The following ATXN3 variants were observed in gnomAD, a reference collection of about 807,000 sequenced individuals.
ATXN3 encodes ataxin-3.
Under a neutral mutation model 58.2 loss-of-function variants are expected in ATXN3, and 28 were observed. That is an observed-to-expected ratio of 0.48 (90% CI 0.36 to 0.66). The LOEUF (loss-of-function observed/expected upper bound fraction) is 0.66, where lower values mean the gene tolerates loss of function less well. Ranked by LOEUF, ATXN3 falls within the 30% of genes least tolerant of loss-of-function variation. The pLI, the probability that ATXN3 is intolerant of heterozygous loss-of-function variation, is 0.00. For synonymous variants in ATXN3, 113 were observed against 138.5 expected (o/e 0.82, Z 1.29); for missense variants, 321 against 422.1 (o/e 0.76, Z 2.10).
chr14:92,101,763 C>T (rs1419803209), intron 1 of ATXN3, among the ~76,000 whole-genome samples: 2 of 152,180 alleles, frequency 1.3e-5, no homozygotes, highest in African/African-American at 4.8e-5. Context: ...GAGGCTAAGG[C>T]AGGAGAATCA....
intron 9 of ATXN3, among the ~76,000 whole-genome samples, chr14:92,079,981 A>G (rs1207984972): frequency 1.3e-5 from 2 of 152,024 alleles, no homozygotes; most frequent in Admixed American, 1.3e-4. Context: ...CAGGTGATCC[A>G]CCTGCCTTGG....
chr14:92,051,057 T>C (rs1488213673), upstream of ATXN3, among the ~76,000 whole-genome samples: 1 of 152,246 alleles, frequency 6.6e-6, no homozygotes, highest in East Asian at 1.9e-4. Context: ...CATTTTCTTA[T>C]TAATTTTAGA....
chr14:92,082,611 T>C (rs2061655566), intron 7 of ATXN3, 145 bp from the exon 8 acceptor site: 1 of 783,414 alleles, frequency 1.3e-6, no homozygotes, highest in South Asian at 2.8e-5. Context: ...AATGATTGTG[T>C]TGCAATTTGA....
At chr14:92,054,437 C>T (rs965506868), downstream of ATXN3, among the ~76,000 whole-genome samples, 1 of 152,206 alleles carries the variant, frequency 6.6e-6, no homozygotes, top group African/African-American at 2.4e-5. Context: ...CAAGAGTGAC[C>T]TCTGGTCCTC....
At chr14:92,095,305 G>A (rs547055277) in intron 3 of ATXN3, among the ~76,000 whole-genome samples, 9 of 152,040 alleles carry the variant, frequency 5.9e-5, no homozygotes, top group Non-Finnish European at 1.2e-4. Context: ...GTGCAGTGGC[G>A]CGATCTTGGC....
At chr14:92,103,805 CG>C (rs2067437700) in intron 1 of ATXN3, among the ~76,000 whole-genome samples, 1 of 152,196 alleles carries the variant, frequency 6.6e-6, no homozygotes, top group Non-Finnish European at 1.5e-5. Context: ...CAAGGCCCTT[CG>C]TAGGCAGATA....
In ATXN3 at chr14:92,084,882, T is replaced by C. The variant is rs913553947; in HGVS notation, c.476-1624A>G. Among the ~76,000 whole-genome samples, 3 of 152,104 alleles carry C rather than the reference T, an allele frequency of 2.0e-5. No homozygotes were observed. The East Asian group carries it at 5.8e-4, about 29-fold the overall frequency. The stretch of plus-strand genomic sequence containing the variant: ...GGTGTGAGCCACCGCGCCTAGCACA[T>C]TTTTCTTAAACTTTGGTGTTTGTTA... On this transcript the variant is annotated intron_variant, in intron 6 of 10. Transcript: ENST00000644486.
chr14:92,064,514 G>T, intron 10 of ATXN3, 100 bp from the exon 11 acceptor site: 1 of 898,702 alleles, frequency 1.1e-6, no homozygotes, highest in Non-Finnish European at 1.8e-6. Flanking sequence ...TTGAGCACGA[G>T]TTTCTTTTTT....
chr14:92,073,034 A>G (rs1228684474), intron 9 of ATXN3, among the ~76,000 whole-genome samples: 2 of 152,246 alleles, frequency 1.3e-5, no homozygotes, highest in Non-Finnish European at 2.9e-5. Flanking sequence ...TGATGCTGCA[A>G]CATAGCACAA....
At chr14:92,088,408 G>A (rs907765728) in intron 6 of ATXN3, among the ~76,000 whole-genome samples, 3 of 152,178 alleles carry the variant, frequency 2.0e-5, no homozygotes, top group Non-Finnish European at 2.9e-5. Flanking sequence ...GAGTTTATAA[G>A]GAAGAACAGT....
intron 8 of ATXN3, among the ~76,000 whole-genome samples, chr14:92,081,446 C>T (rs1413508211): frequency 1.6e-5 from 2 of 124,272 alleles, no homozygotes; most frequent in Non-Finnish European, 3.2e-5. Flanking sequence ...CCAGGCTGGG[C>T]GACAGTGAGA....
chr14:92,048,945 G>C (rs1182228237), intron 1 of ATXN3, among the ~76,000 whole-genome samples: 3 of 151,980 alleles, frequency 2.0e-5, no homozygotes, highest in Non-Finnish European at 1.5e-5. Flanking sequence ...GACTAGGGAG[G>C]GACCAGTGTG....
chr14:92,082,552 A>T (rs10146519), intron 7 of ATXN3, 86 bp from the exon 8 acceptor site: 2 of 1,254,726 alleles, frequency 1.6e-6, no homozygotes, highest in East Asian at 4.9e-5. Flanking sequence ...AAAGGCTTTA[A>T]GTAAGTCAAA....
intron 6 of ATXN3, chr14:92,083,572 T>C (rs2061851947): frequency 6.7e-6 from 3 of 445,508 alleles, no homozygotes; most frequent in South Asian, 3.5e-5. Flanking sequence ...GCTACTCACT[T>C]ACTGTTGTCA....
chr14:92,052,632 T>C (rs2057452867), upstream of ATXN3, among the ~76,000 whole-genome samples: 1 of 152,202 alleles, frequency 6.6e-6, no homozygotes, highest in African/African-American at 2.4e-5. Flanking sequence ...ACAGCCAAGA[T>C]GCCAGTGCCC....
At chr14:92,097,280 T>G (rs1595960628) in intron 1 of ATXN3, among the ~76,000 whole-genome samples, 1 of 150,294 alleles carries the variant, frequency 6.7e-6, no homozygotes, top group Admixed American at 6.7e-5. Flanking sequence ...CAGGCTGGAG[T>G]GCAGTGGAGC....
chr14:92,084,019 AGGGGCTC>A (rs2140822759), intron 6 of ATXN3, among the ~76,000 whole-genome samples: 1 of 152,292 alleles, frequency 6.6e-6, no homozygotes, highest in African/African-American at 2.4e-5. Context: ...GTGGTTTGCC[AGGGGCTC>A]TCAGGCCTTT....
chr14:92,070,795 A>G (rs745625169), intron 10 of ATXN3, 140 bp downstream of exon 10: 68 of 1,453,408 alleles, frequency 4.7e-5, no homozygotes, highest in Non-Finnish European at 5.3e-5. Flanking sequence ...AGGGAAATTT[A>G]GTAGATTACA....
chr14:92,091,268 T>C (rs2063724551), intron 5 of ATXN3, among the ~76,000 whole-genome samples: 1 of 152,116 alleles, frequency 6.6e-6, no homozygotes, highest in East Asian at 1.9e-4. Context: ...CTGACCAACA[T>C]GGCGAAACCC....
Sources: gnomAD v4.1 joint callset for allele counts (sites outside exome capture counted in the v4.1 genomes callset) on GRCh38, gnomAD v4.1.1 for gene constraint, MANE v1.5 for transcripts, NCBI Gene and HGNC (gene_info 2026-07-23, HGNC 2026-07-21) for gene names.